COL5A1: variants seen among roughly 807,000 people sequenced by gnomAD.
The protein encoded by COL5A1 is collagen alpha-1(V) chain.
Under a neutral mutation model 263.7 loss-of-function variants are expected in COL5A1, and 16 were observed. The ratio of observed to expected loss-of-function variants is 0.06; its 90% CI spans 0.04 to 0.09. The LOEUF (loss-of-function observed/expected upper bound fraction) is 0.09, where lower values mean the gene tolerates loss of function less well. COL5A1 is among the 10% of genes least tolerant of loss of function. COL5A1 has a pLI of 1.00. For missense variants in COL5A1, 2,036 were observed against 2,540.5 expected, an observed-to-expected ratio of 0.80 and a Z score of 4.27; for synonymous variants, 1,012 against 1,004.5, an observed-to-expected ratio of 1.01 and a Z score of -0.14.
intron 63 of COL5A1, among the ~76,000 whole-genome samples, chr9:134,828,076 CCAGGCTGGGGA>C (rs1213422197): frequency 6.6e-6 from 1 of 152,226 alleles, no homozygotes; most frequent in African/African-American, 2.4e-5. Context: ...CCCAGTCAGT[CCAGGCTGGGGA>C]CAGGCCGGCC....
chr9:134,796,611 C>T (rs190094436), intron 35 of COL5A1, among the ~76,000 whole-genome samples, 193 bp downstream of exon 35: 292 of 152,280 alleles, frequency 1.9e-3, no homozygotes, highest in African/African-American at 6.5e-3. Flanking sequence ...GGGCCTCGAC[C>T]GCAGCCCTGG....
At chr9:134,704,211 CA>C (rs1445259826) in intron 4 of COL5A1, among the ~76,000 whole-genome samples, 4 of 152,082 alleles carry the variant, frequency 2.6e-5, no homozygotes, top group African/African-American at 9.7e-5. Context: ...CACTGTTTCC[CA>C]GGGGTGAGAT....
At chr9:134,759,601 C>T (rs1836182750) in intron 18 of COL5A1, among the ~76,000 whole-genome samples, 1 of 108,858 alleles carries the variant, frequency 9.2e-6, no homozygotes, top group Admixed American at 1.0e-4. Context: ...CATACACCCC[C>T]ACACCCCCAC....
In COL5A1 at chr9:134,817,061, G is replaced by A. The variant is rs1383677988; in HGVS notation, c.4158G>A (p.Ser1386=). ...GCCCTACTGGTGAACCAGGTCCATC[G>A]GGGCCTCCAGGAAAAAGGGTAAATA... ...SPGPTGEPGP[S]GPPGKRGPPG... Residue 1386 remains serine, a synonymous_variant, in exon 53 of 66, where the codon TCG becomes TCA. Coordinates refer to ENST00000371817, the MANE Select transcript of COL5A1 (RefSeq NM_000093.5). 8 of 1,613,664 alleles carry A rather than the reference G, an allele frequency of 5.0e-6. No individual in the cohort carries two copies. The highest frequency in any genetic ancestry group is 3.3e-5 in the South Asian group (3 of 91,068).
chr9:134,679,929 A>G (rs1025193616), intron 1 of COL5A1, among the ~76,000 whole-genome samples: 2 of 151,752 alleles, frequency 1.3e-5, no homozygotes, highest in Admixed American at 6.6e-5. Flanking sequence ...GGGCTTGTAC[A>G]TGGGGGGTTT....
At chr9:134,745,340 A>G (rs1358268975) in intron 11 of COL5A1, among the ~76,000 whole-genome samples, 1 of 152,244 alleles carries the variant, frequency 6.6e-6, no homozygotes, top group Non-Finnish European at 1.5e-5. Flanking sequence ...CAGGAGCTGC[A>G]TGAATGGCGC....
chr9:134,650,478 G>C (rs778382512), intron 1 of COL5A1, among the ~76,000 whole-genome samples: 1 of 152,256 alleles, frequency 6.6e-6, no homozygotes, highest in African/African-American at 2.4e-5. Context: ...ACCTGTGCGG[G>C]GGGCACAGGT....
rs150595398 is a variant in COL5A1, at chr9:134,667,789, CA to C, written c.110-23122del. Among the ~76,000 whole-genome samples the C allele has an allele frequency of 2.2e-3, 333 of 152,302 alleles. 4 individuals carry two copies. Among genetic ancestry groups the C allele is most frequent in the African/African-American group, 7.5e-3 (311 of 41,576 alleles). The stretch of plus-strand genomic sequence containing the variant: ...GGGTGACAAGTGCCTGACTCTAGGA[CA>C]GGGGGCTCTGTGGAGCAATAGGGAT... On this transcript the variant is annotated intron_variant, in intron 1 of 65. Transcript: ENST00000371817.
chr9:134,827,479 C>T (rs985187431), intron 63 of COL5A1, among the ~76,000 whole-genome samples: 3 of 152,380 alleles, frequency 2.0e-5, no homozygotes, highest in South Asian at 2.1e-4. Context: ...TCAGTCTGGC[C>T]AGAGGCCCCG....
chr9:134,756,851 C>T, intron 17 of COL5A1, 33 bp downstream of exon 17: 1 of 1,599,478 alleles, frequency 6.3e-7, no homozygotes, highest in East Asian at 2.2e-5. Flanking sequence ...GGTGCCCTGG[C>T]ATCACTGTCA....
chr9:134,818,215 G>T lies in COL5A1; in HGVS notation c.4230+384G>T, dbSNP rs1184883223. Among the ~76,000 whole-genome samples the T allele has an allele frequency of 1.3e-5, 2 of 152,228 alleles. No homozygotes were observed. The highest frequency in any genetic ancestry group is 1.5e-5 in the Non-Finnish European group (1 of 68,036). On this transcript the variant is annotated intron_variant, in intron 54 of 65. Transcript: ENST00000371817. This position sits in a 1 kb window ranked among gnomAD's most constrained non-coding sequence, Gnocchi z 6.0. ...TCCGATGGTGACCGTGTCTGCTGCG[G>T]GGCCCGTGCAGAAGATGGGACGCCG... is the stretch of plus-strand genomic sequence containing the variant.
At chr9:134,793,306 G>A (rs1448260492) in intron 32 of COL5A1, among the ~76,000 whole-genome samples, 1 of 152,064 alleles carries the variant, frequency 6.6e-6, no homozygotes, top group Non-Finnish European at 1.5e-5. Context: ...CCATTGCTGG[G>A]ACTGTCCACT....
At chr9:134,733,038 T>TC (rs1834958950) in intron 9 of COL5A1, among the ~76,000 whole-genome samples, 1 of 152,172 alleles carries the variant, frequency 6.6e-6, no homozygotes, top group South Asian at 2.1e-4. Context: ...TGCCATGTTG[T>TC]CCAAGTGCCC....
chr9:134,714,714 T>C (rs1834196156), intron 4 of COL5A1, among the ~76,000 whole-genome samples: 3 of 148,368 alleles, frequency 2.0e-5, no homozygotes, highest in Non-Finnish European at 4.5e-5. Flanking sequence ...GAGGTGATGG[T>C]AGTGGTGGTG....
Position 134,815,996 on chromosome 9 carries a change from C to T in COL5A1, c.4122+8C>T. Reference sequence around the variant, plus strand: ...GGTGAACCCGGGCAGACGGTGAGTCCACAATCTGGGCTGGCTTCCTGGTGG... The same window carrying T: ...GGTGAACCCGGGCAGACGGTGAGTCTACAATCTGGGCTGGCTTCCTGGTGG... On this transcript the variant is annotated splice_region_variant and intron_variant, in intron 52 of 65. Transcript: ENST00000371817. 6.2e-7 allele frequency: 1 copy of T among 1,613,958 alleles called. No homozygotes were observed. Among genetic ancestry groups the T allele is most frequent in the East Asian group, 2.2e-5 (1 of 44,878 alleles).
intron 4 of COL5A1, among the ~76,000 whole-genome samples, chr9:134,726,436 A>G (rs1369791331): frequency 2.0e-5 from 3 of 151,712 alleles, no homozygotes; most frequent in Non-Finnish European, 4.4e-5. Context: ...ACAGGTGGAT[A>G]GGTAGATGGA....
chr9:134,728,566 G>T (rs1834741976), intron 5 of COL5A1, 104 bp from the exon 6 acceptor site: 2 of 1,535,798 alleles, frequency 1.3e-6, no homozygotes, highest in South Asian at 2.2e-5. Context: ...GGGGCTGGAC[G>T]GGGCGTCGTG....
intron 41 of COL5A1, 82 bp from the exon 42 acceptor site, chr9:134,806,107 A>C: frequency 1.0e-6 from 1 of 1,002,552 alleles, no homozygotes. Context: ...AGGTAAGTGG[A>C]GTGATCAGCT....
chr9:134,733,166 A>G (rs1302481912), intron 9 of COL5A1, among the ~76,000 whole-genome samples: 1 of 152,210 alleles, frequency 6.6e-6, no homozygotes, highest in African/African-American at 2.4e-5. Flanking sequence ...TGGGTCTCCC[A>G]GAAGCCCCCT....
Sources: gnomAD v4.1 joint callset for allele counts (sites outside exome capture counted in the v4.1 genomes callset) on GRCh38, gnomAD v4.1.1 for gene constraint, Gnocchi (gnomAD v3.1) non-coding constraint, MANE v1.5 for transcripts, NCBI Gene and HGNC (gene_info 2026-07-23, HGNC 2026-07-21) for gene names.